Variants in RSBN1 observed in about 807,000 individuals in gnomAD.
The protein encoded by RSBN1 is lysine-specific demethylase 9.
Under a neutral mutation model 74.8 loss-of-function variants are expected in RSBN1, and 23 were observed. That is an observed-to-expected ratio of 0.31 (90% CI 0.22 to 0.44). The LOEUF is 0.44. RSBN1 is among the 20% of genes least tolerant of loss of function. The pLI, the probability that RSBN1 is intolerant of heterozygous loss-of-function variation, is 1.00. For synonymous variants in RSBN1, 407 were observed against 379.6 expected (o/e 1.07, Z -0.84); for missense variants, 808 against 1,020.9 (o/e 0.79, Z 2.84).
At chr1:113,799,003 CTG>C (rs1208185408) in intron 1 of RSBN1, among the ~76,000 whole-genome samples, 2 of 152,172 alleles carry the variant, frequency 1.3e-5, no homozygotes, top group Non-Finnish European at 2.9e-5. Context: ...CACTTATACT[CTG>C]TGTTATTAAC....
Position 113,811,862 on chromosome 1 carries a change from T to C in RSBN1, c.551A>G (p.Lys184Arg), listed in dbSNP as rs776774979. Residue 184 changes from lysine to arginine, a missense_variant, in exon 1 of 7, where the codon AAG becomes AGG. Around this residue, in one of 6 missense-constraint regions of RSBN1, gnomAD observed 464 missense variants for 401.0 expected, o/e 1.16. Transcript: ENST00000261441. ...SPLTVSAAGPKHKGHKERHKH... is the reference protein window; with the variant it reads ...SPLTVSAAGPRHKGHKERHKH... ...GTGCCGCTCCTTGTGGCCCTTATGC[T>C]TGGGCCCGGCCGCGCTCACCGTCAG... is the stretch of plus-strand genomic sequence containing the variant. 6.2e-7 allele frequency: 1 copy of C among 1,613,450 alleles called. No individual in the cohort carries two copies. Among genetic ancestry groups the C allele is most frequent in the Non-Finnish European group, 8.5e-7 (1 of 1,179,860 alleles).
chr1:113,786,839 T>TACA, intron 2 of RSBN1, among the ~76,000 whole-genome samples: 1 of 152,260 alleles, frequency 6.6e-6, no homozygotes, highest in South Asian at 2.1e-4. Flanking sequence ...CCGGGCGTGG[T>TACA]GGTGAGTGCC....
intron 2 of RSBN1, among the ~76,000 whole-genome samples, chr1:113,787,160 CTT>C (rs1660260655): frequency 6.6e-6 from 1 of 152,164 alleles, no homozygotes; most frequent in Non-Finnish European, 1.5e-5. Flanking sequence ...TTTAAGTCCT[CTT>C]TTGTGTGATC....
In RSBN1 at chr1:113,765,959, A is replaced by T; in HGVS notation, c.*21T>A. Reference sequence around the variant, plus strand: ...CATCAAAATTTAAAAAAGTTAAAAAATGTGTTTGAATATGTACATATCACA... The same window carrying T: ...CATCAAAATTTAAAAAAGTTAAAAATTGTGTTTGAATATGTACATATCACA... On this transcript the variant is annotated 3_prime_UTR_variant, in exon 7 of 7. Coordinates refer to ENST00000261441, the MANE Select transcript of RSBN1 (RefSeq NM_018364.5). 1 of 1,556,936 alleles carries T rather than the reference A, an allele frequency of 6.4e-7. No individual in the cohort carries two copies.
At chr1:113,775,344 T>C (rs527693936) in intron 4 of RSBN1, among the ~76,000 whole-genome samples, 1 of 82,562 alleles carries the variant, frequency 1.2e-5, no homozygotes, top group East Asian at 1.3e-3. Flanking sequence ...TCTACTCTTC[T>C]TTTTTTTTTT....
At chr1:113,779,223 A>G (rs571900081) in intron 2 of RSBN1, among the ~76,000 whole-genome samples, 221 of 152,298 alleles carry the variant, frequency 1.5e-3, no homozygotes, top group African/African-American at 5.2e-3. Context: ...AATACCACCT[A>G]TTTTGCCTTA....
chr1:113,807,981 TAAA>T (rs1485029370), intron 1 of RSBN1, among the ~76,000 whole-genome samples: 1 of 152,046 alleles, frequency 6.6e-6, no homozygotes, highest in Non-Finnish European at 1.5e-5. Context: ...ACACGTCTAT[TAAA>T]ATTGCTAAAA....
At chr1:113,796,813 G>C (rs1021433011) in intron 2 of RSBN1, among the ~76,000 whole-genome samples, 2 of 152,172 alleles carry the variant, frequency 1.3e-5, no homozygotes, top group Non-Finnish European at 2.9e-5. Flanking sequence ...CCCATGCAAG[G>C]CTTCAAAAAA....
chr1:113,788,268 G>GA (rs995172373), intron 2 of RSBN1, among the ~76,000 whole-genome samples: 1 of 151,592 alleles, frequency 6.6e-6, no homozygotes, highest in African/African-American at 2.4e-5. Context: ...AAAAGTTTCA[G>GA]AAAAAAACGA....
chr1:113,781,311 C>T (rs1342979034), intron 2 of RSBN1, among the ~76,000 whole-genome samples: 1 of 152,190 alleles, frequency 6.6e-6, no homozygotes, highest in Non-Finnish European at 1.5e-5. Context: ...ATTCACATCT[C>T]ATATCATTGC....
chr1:113,766,526 G>T (rs1659784656), intron 6 of RSBN1, 73 bp from the exon 7 acceptor site: 1 of 905,110 alleles, frequency 1.1e-6, no homozygotes, highest in African/African-American at 1.7e-5. Context: ...ATTAGCAAAG[G>T]AAAACAGTAG....
intron 2 of RSBN1, among the ~76,000 whole-genome samples, chr1:113,786,951 G>A (rs572582826): frequency 6.6e-6 from 1 of 152,246 alleles, no homozygotes; most frequent in African/African-American, 2.4e-5. Flanking sequence ...ACCAGGTAAG[G>A]CACTCCTCCA....
In RSBN1 at chr1:113,766,019, C is replaced by A. The variant is rs1254890550; in HGVS notation, c.2370G>T (p.Gln790His). ...TTGAATGTTCTTGCAGATTGTGTTG[C>A]TGGTCAGAGTCCAGTCTACTTTCCA... ...LKVESRLDSD[Q>H]QHNLQEHSTT... is the part of the protein sequence containing the mutation. The change falls in exon 7 of 7, where the codon CAG (glutamine) becomes CAT (histidine). Residue 790 changes from glutamine (Q) to histidine (H), a missense_variant. By Grantham distance (24) the Gln-to-His change is conservative. Coordinates refer to ENST00000261441, the MANE Select transcript of RSBN1 (RefSeq NM_018364.5). 6.2e-7 allele frequency: 1 copy of A among 1,613,648 alleles called. No individual in the cohort carries two copies.
intron 1 of RSBN1, among the ~76,000 whole-genome samples, chr1:113,803,294 AC>A (rs1660623516): frequency 6.6e-6 from 1 of 152,154 alleles, no homozygotes; most frequent in African/African-American, 2.4e-5. Flanking sequence ...CTATGAATAA[AC>A]CTATTATGAA....
rs1254822259 is a variant in RSBN1 at position 113,811,886 on chromosome 1, A to T, written c.527T>A (p.Leu176Gln). 6.2e-7 allele frequency: 1 copy of T among 1,612,540 alleles called. No homozygotes were observed. The highest frequency in any genetic ancestry group is 1.3e-5 in the African/African-American group (1 of 74,856). The part of the protein sequence containing the change: ...STSALFTFSP[L>Q]TVSAAGPKHK... ...CTTGGGCCCGGCCGCGCTCACCGTC[A>T]GAGGCGAGAAGGTGAAGAGGGCCGA... The change falls in exon 1 of 7, where the codon CTG becomes CAG. Residue 176 changes from leucine (L) to glutamine (Q), a missense_variant. This residue lies in a region of RSBN1 where 464 missense variants were observed against 401.0 expected (regional missense o/e 1.16). Coordinates refer to ENST00000261441, the MANE Select transcript of RSBN1 (RefSeq NM_018364.5).
chr1:113,796,295 C>T (rs923830038), intron 2 of RSBN1: 2 of 152,164 alleles, frequency 1.3e-5, no homozygotes, highest in Non-Finnish European at 1.5e-5. Context: ...GCTGCTCCTG[C>T]TCTCTCTACT....
chr1:113,773,729 G>A (rs1020371659), intron 4 of RSBN1, among the ~76,000 whole-genome samples: 1 of 152,048 alleles, frequency 6.6e-6, no homozygotes, highest in African/African-American at 2.4e-5. Context: ...GCATGGCCAC[G>A]TGCAGTGGCT....
intron 1 of RSBN1, among the ~76,000 whole-genome samples, chr1:113,802,314 A>G (rs1173322929): frequency 3.5e-5 from 5 of 143,012 alleles, no homozygotes; most frequent in East Asian, 2.0e-4. Flanking sequence ...TAGAAGTCGG[A>G]AAAAAAAAAA....
At position 113,781,407 on chromosome 1, in the gene RSBN1, C is replaced by A. The variant is rs1216004506; in HGVS notation, c.1378-3599G>T. Among the ~76,000 whole-genome samples, 17 of 152,170 alleles carry A rather than the reference C, an allele frequency of 1.1e-4. 2 individuals are homozygous for A. Among genetic ancestry groups the A allele is most frequent in the Admixed American group, 1.1e-3 (17 of 15,278 alleles). Reference sequence around the variant, plus strand: ...AAATTCAAGGAATGCTTTGCAATCACCTGCTTTCTTGATTTCCCTTTCCAG... The same window carrying A: ...AAATTCAAGGAATGCTTTGCAATCAACTGCTTTCTTGATTTCCCTTTCCAG... On this transcript the variant is annotated intron_variant, in intron 2 of 6. Transcript: ENST00000261441.
Sources: allele counts gnomAD v4.1 joint callset (sites outside exome capture counted in the v4.1 genomes callset), GRCh38; gene constraint gnomAD v4.1.1; regional missense constraint gnomAD v4.1.1; transcripts MANE v1.5; gene names NCBI Gene and HGNC (gene_info 2026-07-23, HGNC 2026-07-21).